Variants in GPR158 observed in about 807,000 individuals in gnomAD.
GPR158 encodes G protein-coupled receptor 158.
Under a neutral mutation model 78.2 loss-of-function variants are expected in GPR158, and 30 were observed. That is an observed-to-expected ratio of 0.38 (90% confidence interval 0.29 to 0.52). The LOEUF is 0.52. Ranked by LOEUF, GPR158 falls within the 20% of genes least tolerant of loss-of-function variation. The pLI, the probability that GPR158 is intolerant of heterozygous loss-of-function variation, is 0.83. For synonymous variants in GPR158, 581 were observed against 591.1 expected, an observed-to-expected ratio of 0.98 and a Z score of 0.25; for missense variants, 1,463 against 1,523.5, an observed-to-expected ratio of 0.96 and a Z score of 0.66.
intron 7 of GPR158, among the ~76,000 whole-genome samples, chr10:25,581,881 G>A (rs373773758): frequency 6.6e-6 from 1 of 152,044 alleles, no homozygotes; most frequent in Non-Finnish European, 1.5e-5. Context: ...ACCTGAGACT[G>A]GGTAATTTAC....
chr10:25,245,658 C>T (rs910389180), intron 2 of GPR158, among the ~76,000 whole-genome samples: 1 of 152,062 alleles, frequency 6.6e-6, no homozygotes, highest in Admixed American at 6.6e-5. Flanking sequence ...TTATTAAACT[C>T]CTGCCATGGA....
Position 25,409,349 on chromosome 10 carries a change from G to A in GPR158, c.1112-2901G>A, listed in dbSNP as rs999810522. The stretch of plus-strand genomic sequence containing the variant: ...ATGTTTCTTAGTAATGCATACTGTC[G>A]TACTCTAACTGGATTATTTTTCTGC... On this transcript the variant is annotated intron_variant, in intron 3 of 10. Coordinates refer to ENST00000376351, the MANE Select transcript of GPR158 (RefSeq NM_020752.3). Among the ~76,000 whole-genome samples, 17 of 152,140 alleles carry A rather than the reference G, an allele frequency of 1.1e-4. No individual in the cohort carries two copies. In the South Asian group the frequency reaches 1.5e-3, roughly 13 times the overall value.
chr10:25,277,685 A>T (rs913016868), intron 2 of GPR158, among the ~76,000 whole-genome samples: 4 of 152,204 alleles, frequency 2.6e-5, no homozygotes, highest in African/African-American at 9.6e-5. Context: ...TGTGGAGATT[A>T]TACCTAAGGC....
chr10:25,272,786 G>A (rs1343754532), intron 2 of GPR158, among the ~76,000 whole-genome samples: 4 of 152,170 alleles, frequency 2.6e-5, no homozygotes, highest in Non-Finnish European at 5.9e-5. Context: ...CTGCTTTTGT[G>A]AGGCAAAGAA....
chr10:25,394,801 T>C (rs753500235), intron 2 of GPR158, among the ~76,000 whole-genome samples: 2 of 152,138 alleles, frequency 1.3e-5, no homozygotes, highest in African/African-American at 2.4e-5. Context: ...CTTATCTAAT[T>C]GCTGGAGTTT....
intron 1 of GPR158, among the ~76,000 whole-genome samples, chr10:25,182,942 C>CAAAT (rs1232945640): frequency 2.6e-5 from 4 of 152,112 alleles, no homozygotes; most frequent in Non-Finnish European, 5.9e-5. Context: ...CTGTTATGTG[C>CAAAT]AAATAGGCAG....
intron 1 of GPR158, among the ~76,000 whole-genome samples, chr10:25,190,822 A>G (rs1458371962): frequency 6.6e-6 from 1 of 152,196 alleles, no homozygotes; most frequent in Non-Finnish European, 1.5e-5. Flanking sequence ...AGAGTGACCA[A>G]TTCTTTACTC....
At chr10:25,482,168 C>T (rs1472196608) in intron 5 of GPR158, among the ~76,000 whole-genome samples, 1 of 151,984 alleles carries the variant, frequency 6.6e-6, no homozygotes, top group African/African-American at 2.4e-5. Context: ...CTGCTTTGGC[C>T]TTCCATGCCC....
chr10:25,249,782 T>C (rs1405204671), intron 2 of GPR158, among the ~76,000 whole-genome samples: 1 of 152,124 alleles, frequency 6.6e-6, no homozygotes, highest in Non-Finnish European at 1.5e-5. Flanking sequence ...TCTTTTTTTG[T>C]TCTGTCTCTG....
chr10:25,332,000 G>GA (rs373685886), intron 2 of GPR158, among the ~76,000 whole-genome samples: 17 of 150,628 alleles, frequency 1.1e-4, no homozygotes, highest in African/African-American at 3.2e-4. Context: ...TCCAAAAAGT[G>GA]AAAAAAAAAG....
chr10:25,594,208 A>C, intron 8 of GPR158, 84 bp from the exon 9 acceptor site: 1 of 749,530 alleles, frequency 1.3e-6, no homozygotes, highest in Non-Finnish European at 2.4e-6. Flanking sequence ...TAATACAATG[A>C]GGAAAAAAGA....
chr10:25,515,967 C>A (rs1262253548), intron 5 of GPR158, among the ~76,000 whole-genome samples: 1 of 151,314 alleles, frequency 6.6e-6, no homozygotes, highest in Non-Finnish European at 1.5e-5. Context: ...AATGGTTGAA[C>A]TAGTTTACAG....
intron 5 of GPR158, among the ~76,000 whole-genome samples, chr10:25,473,006 T>C (rs1835530490): frequency 6.6e-6 from 1 of 152,078 alleles, no homozygotes. Context: ...ATAGGAGTGG[T>C]GAGAGAGGGC....
chr10:25,278,581 TA>T (rs1854219520), intron 2 of GPR158, among the ~76,000 whole-genome samples: 1 of 151,990 alleles, frequency 6.6e-6, no homozygotes, highest in Admixed American at 6.6e-5. Context: ...TGTATTTCAC[TA>T]ACAATAAATA....
At chr10:25,409,132 G>A (rs187227402) in intron 3 of GPR158, among the ~76,000 whole-genome samples, 49 of 152,242 alleles carry the variant, frequency 3.2e-4, no homozygotes, top group African/African-American at 1.2e-3. Flanking sequence ...CCTTGTGTTG[G>A]CTTTCCTCTT....
In GPR158 at chr10:25,399,174, TTA is replaced by T. The variant is rs1223392592; in HGVS notation, c.1111+3164_1111+3165del. Among the ~76,000 whole-genome samples, 9 of 152,244 alleles carry T rather than the reference TTA, an allele frequency of 5.9e-5. No homozygotes were observed. In the East Asian group the frequency reaches 1.7e-3, roughly 29 times the overall value. On this transcript the variant is annotated intron_variant, in intron 3 of 10. Transcript: ENST00000376351. ...AGTGTCGAGCGAAGGGGGAAGGCCC[TTA>T]TAAAACCATCAGATGTCATGAGAAC...
intron 1 of GPR158, among the ~76,000 whole-genome samples, chr10:25,216,473 G>A (rs1853215891): frequency 6.6e-6 from 1 of 151,868 alleles, no homozygotes. Flanking sequence ...TATTTTTTGG[G>A]GGTGGGGGGA....
chr10:25,487,685 A>T (rs945907023), intron 5 of GPR158, among the ~76,000 whole-genome samples: 4 of 152,088 alleles, frequency 2.6e-5, no homozygotes, highest in African/African-American at 9.7e-5. Flanking sequence ...GACTTTATGC[A>T]TGCAGACCCA....
At chr10:25,552,902 A>G (rs917153360) in intron 6 of GPR158, among the ~76,000 whole-genome samples, 2 of 152,182 alleles carry the variant, frequency 1.3e-5, no homozygotes, top group African/African-American at 2.4e-5. Flanking sequence ...TTCTCCTTCA[A>G]TCCTTCTGAT....
Sources: gnomAD v4.1 joint callset for allele counts (sites outside exome capture counted in the v4.1 genomes callset) on GRCh38, gnomAD v4.1.1 for gene constraint, MANE v1.5 for transcripts, NCBI Gene and HGNC (gene_info 2026-07-23, HGNC 2026-07-21) for gene names.